TMPRSS3: variants seen among roughly 807,000 people sequenced by gnomAD.
The protein encoded by TMPRSS3 is transmembrane protease serine 3.
In TMPRSS3, 55 loss-of-function variants were observed where a neutral mutation model predicts 59.6. The ratio of observed to expected loss-of-function variants is 0.92; its 90% CI spans 0.74 to 1.16. The LOEUF (loss-of-function observed/expected upper bound fraction) is 1.16. Ranked by LOEUF, TMPRSS3 falls within the 50% of genes most tolerant of loss-of-function variation. The pLI is 0.00. For missense variants in TMPRSS3, 596 were observed against 579.4 expected, an observed-to-expected ratio of 1.03 and a Z score of -0.29; for synonymous variants, 257 against 237.7, an observed-to-expected ratio of 1.08 and a Z score of -0.75.
intron 6 of TMPRSS3, among the ~76,000 whole-genome samples, chr21:42,384,660 T>G (rs923420592): frequency 6.6e-6 from 1 of 152,214 alleles, no homozygotes; most frequent in Non-Finnish European, 1.5e-5. Context: ...ACCCAACACA[T>G]GAGCTGTCCC....
At chr21:42,392,567 G>A (rs1018647352) in intron 2 of TMPRSS3, among the ~76,000 whole-genome samples, 2 of 152,122 alleles carry the variant, frequency 1.3e-5, no homozygotes, top group African/African-American at 2.4e-5. Flanking sequence ...CTAGATGAAT[G>A]AATGACATCA....
intron 8 of TMPRSS3, 56 bp downstream of exon 8, chr21:42,382,976 AC>A (rs2052558706): frequency 5.0e-6 from 8 of 1,607,860 alleles, no homozygotes; most frequent in Non-Finnish European, 6.8e-6. Flanking sequence ...AAGCAGCCCC[AC>A]CCTGACATGA....
chr21:42,394,701 T>C (rs754768480), intron 2 of TMPRSS3, among the ~76,000 whole-genome samples: 25 of 152,136 alleles, frequency 1.6e-4, no homozygotes, highest in Non-Finnish European at 3.2e-4. Flanking sequence ...CTAGCACCAA[T>C]GTGTCAGGAA....
chr21:42,395,000 C>A (rs1482851315), intron 2 of TMPRSS3, among the ~76,000 whole-genome samples: 1 of 152,210 alleles, frequency 6.6e-6, no homozygotes, highest in East Asian at 1.9e-4. Context: ...CTCAGGACTT[C>A]CTGGAGGACT....
chr21:42,387,675 G>C lies in TMPRSS3; in HGVS notation c.446+728C>G, dbSNP rs138291663. ...GTGGCTTTAACGACCCCATCTACTT[G>C]AGTGCAAAGCAGAATGCAGCCTGCC... On this transcript the variant is annotated intron_variant, in intron 5 of 12. Coordinates refer to ENST00000644384, the MANE Select transcript of TMPRSS3 (RefSeq NM_001256317.3). Among the ~76,000 whole-genome samples, 940 of 152,244 alleles carry C rather than the reference G, an allele frequency of 6.2e-3. 7 individuals are homozygous for C. Among genetic ancestry groups the C allele is most frequent in the African/African-American group, 0.021 (857 of 41,528 alleles).
At chr21:42,379,092 C>T (rs1303513601) in intron 10 of TMPRSS3, among the ~76,000 whole-genome samples, 1 of 151,944 alleles carries the variant, frequency 6.6e-6, no homozygotes, top group African/African-American at 2.4e-5. Context: ...ACCACATTGG[C>T]CAAGCTGGTC....
At chr21:42,393,524 C>T (rs2052761209) in intron 2 of TMPRSS3, among the ~76,000 whole-genome samples, 1 of 152,086 alleles carries the variant, frequency 6.6e-6, no homozygotes, top group African/African-American at 2.4e-5. Context: ...CCCCCAAGGA[C>T]ACTTAGAAGA....
intron 2 of TMPRSS3, chr21:42,390,395 G>A (rs1383502964): frequency 3.3e-5 from 10 of 304,508 alleles, no homozygotes; most frequent in Non-Finnish European, 6.4e-5. Flanking sequence ...TGAGTCATTA[G>A]GGTGGGCCCT....
intron 8 of TMPRSS3, chr21:42,382,725 A>C: frequency 2.2e-6 from 1 of 463,060 alleles, no homozygotes; most frequent in Non-Finnish European, 4.0e-6. Context: ...GTCCACTGGA[A>C]TTAGCTATGG....
rs562818521 is a variant in TMPRSS3 at position 42,372,273 on chromosome 21, C to T, written c.*489G>A. 8 of 449,250 alleles carry T rather than the reference C, an allele frequency of 1.8e-5. No homozygotes were observed. The highest frequency in any genetic ancestry group is 1.2e-4 in the Admixed American group (5 of 42,212). The allele number at this position is 449,250 out of a possible 1,614,324, so 27.8% of individuals were successfully genotyped here. On this transcript the variant is annotated 3_prime_UTR_variant, in exon 13 of 13. Coordinates refer to ENST00000644384, the MANE Select transcript of TMPRSS3 (RefSeq NM_001256317.3). ...GTTCTTAGTGAAGATCAGAAAGGAG[C>T]GTGAGGCTAGGCGTGGTGGCCCATG...
At chr21:42,373,006 A>T (rs191528699) in intron 12 of TMPRSS3, among the ~76,000 whole-genome samples, 3 of 152,274 alleles carry the variant, frequency 2.0e-5, no homozygotes, top group Admixed American at 2.0e-4. Flanking sequence ...CCGCCCTGCG[A>T]CAGTTCCGTC....
intron 7 of TMPRSS3, 120 bp downstream of exon 7, chr21:42,383,850 G>A (rs542127513): frequency 9.8e-5 from 105 of 1,072,796 alleles, no homozygotes; most frequent in South Asian, 5.5e-4. Context: ...CAGAGTTCCC[G>A]CCTGGCACCC....
At chr21:42,392,955 C>T (rs2052752317) in intron 2 of TMPRSS3, among the ~76,000 whole-genome samples, 1 of 152,248 alleles carries the variant, frequency 6.6e-6, no homozygotes, top group South Asian at 2.1e-4. Context: ...TCCTTGAGGA[C>T]ATTGCCTGGA....
At chr21:42,375,278 C>T (rs997422742) in intron 12 of TMPRSS3, among the ~76,000 whole-genome samples, 1 of 140,510 alleles carries the variant, frequency 7.1e-6, no homozygotes, top group African/African-American at 2.6e-5. Context: ...CTCCTGACTG[C>T]TGCCTCTCAT....
intron 10 of TMPRSS3, among the ~76,000 whole-genome samples, chr21:42,379,809 C>T (rs545278741): frequency 6.9e-4 from 105 of 152,244 alleles, no homozygotes; most frequent in African/African-American, 2.4e-3. Flanking sequence ...TCTAGGTGGG[C>T]TCTGTATGTC....
chr21:42,393,198 T>C (rs751959124), intron 2 of TMPRSS3, among the ~76,000 whole-genome samples: 12 of 151,510 alleles, frequency 7.9e-5, no homozygotes, highest in Non-Finnish European at 1.6e-4. Flanking sequence ...TGAGCCGAGA[T>C]CACGCCATTG....
rs1035504795 is a variant in TMPRSS3, at chr21:42,385,471, C to G, written c.510G>C (p.Val170=). Residue 170 remains valine (V), a synonymous_variant, in exon 6 of 13, where the codon GTG becomes GTC. Coordinates refer to ENST00000644384, the MANE Select transcript of TMPRSS3 (RefSeq NM_001256317.3). ...SLEGQFREEF[V]SIDHLLPDDK... The stretch of plus-strand genomic sequence containing the variant: ...CATCTGGCAAGAGGTGATCGATGGA[C>G]ACAAACTCCTCCCGGAACTGCCCCT... 6.2e-7 allele frequency: 1 copy of G among 1,614,020 alleles called. No individual in the cohort carries two copies. Among genetic ancestry groups the G allele is most frequent in the East Asian group, 2.2e-5 (1 of 44,886 alleles).
At chr21:42,394,642 C>G (rs1046385513) in intron 2 of TMPRSS3, among the ~76,000 whole-genome samples, 1 of 152,096 alleles carries the variant, frequency 6.6e-6, no homozygotes, top group Non-Finnish European at 1.5e-5. Flanking sequence ...TTAGGGTGAC[C>G]CCCACTCCCA....
chr21:42,383,791 C>A (rs937717301), intron 7 of TMPRSS3, 179 bp downstream of exon 7: 8 of 740,802 alleles, frequency 1.1e-5, no homozygotes, highest in Non-Finnish European at 2.0e-5. Flanking sequence ...CAGGTGAGGC[C>A]GACAGGTGAG....
Sources: allele counts gnomAD v4.1 joint callset (sites outside exome capture counted in the v4.1 genomes callset), GRCh38; gene constraint gnomAD v4.1.1; transcripts MANE v1.5; gene names NCBI Gene and HGNC (gene_info 2026-07-23, HGNC 2026-07-21).